SIRT6: variants seen among roughly 807,000 people sequenced by gnomAD.
SIRT6 encodes the protein NAD-dependent protein deacylase sirtuin-6.
In SIRT6, 21 loss-of-function variants were observed where a neutral mutation model predicts 33.6. That is an observed-to-expected ratio of 0.62 (90% CI 0.44 to 0.90). The LOEUF is 0.90. SIRT6 is among the 40% of genes least tolerant of loss of function. SIRT6 has a pLI of 0.00. For missense variants in SIRT6, 504 were observed against 510.6 expected (o/e 0.99, Z 0.12); for synonymous variants, 221 against 223.9 (o/e 0.99, Z 0.12).
intron 1 of SIRT6, 161 bp downstream of exon 1, chr19:4,182,313 G>C: frequency 4.4e-6 from 3 of 681,468 alleles, no homozygotes; most frequent in Non-Finnish European, 2.4e-6. Context: ...GGCGTCCCCC[G>C]GCGCGCAGGG....
In SIRT6 at chr19:4,175,363, G is replaced by C. The variant is rs1215783550; in HGVS notation, c.615-212C>G. On this transcript the variant is annotated intron_variant, in intron 6 of 7. Coordinates refer to ENST00000337491, the MANE Select transcript of SIRT6 (RefSeq NM_016539.4). Reference sequence around the variant, plus strand: ...TCTGGGCGGGCCCTTAGACACTTCCGGGGAGTATCACAGTGTGGTAAGAGC... The same window carrying C: ...TCTGGGCGGGCCCTTAGACACTTCCCGGGAGTATCACAGTGTGGTAAGAGC... The C allele has an allele frequency of 2.3e-5, 16 of 687,930 alleles. 1 individual carries two copies. The highest frequency in any genetic ancestry group is 3.3e-5 in the Non-Finnish European group (14 of 418,320). 42.6% of individuals were successfully genotyped at this position (687,930 alleles called of 1,614,324 possible). A position where few individuals can be genotyped will look rare whatever the true frequency, so the allele number is the denominator to read the frequency against.
chr19:4,175,360 TC>T (rs1249877189), intron 6 of SIRT6: 17 of 692,602 alleles, frequency 2.5e-5, no homozygotes, highest in African/African-American at 3.6e-5. Context: ...CTTAGACACT[TC>T]CGGGGAGTAT....
intron 3 of SIRT6, among the ~76,000 whole-genome samples, chr19:4,178,825 C>T (rs1025469216): frequency 8.5e-5 from 13 of 152,154 alleles, no homozygotes; most frequent in Non-Finnish European, 1.8e-4. Context: ...GCAACAAGAA[C>T]GAAACTCGGT....
chr19:4,180,859 C>A lies in SIRT6; in HGVS notation c.117G>T (p.Arg39Ser), dbSNP rs745727264. The A allele has an allele frequency of 6.2e-7, 1 of 1,613,756 alleles. No homozygotes were observed. Among genetic ancestry groups the A allele is most frequent in the South Asian group, 1.1e-5 (1 of 91,062 alleles). Residue 39 changes from arginine to serine, a missense_variant, in exon 2 of 8, where the codon AGG (arginine) becomes AGT (serine). Transcript: ENST00000337491. ...ELERKVWELA[R>S]LVWQSSSVVF... Reference sequence around the variant, plus strand: ...CCACACTGGAAGACTGCCAGACCAGCCTCGCCAGTTCCCACACCTTCCGCT... The same window carrying A: ...CCACACTGGAAGACTGCCAGACCAGACTCGCCAGTTCCCACACCTTCCGCT...
At chr19:4,177,227 G>T in intron 3 of SIRT6, 89 bp from the exon 4 acceptor site, 3 of 1,307,818 alleles carry the variant, frequency 2.3e-6, no homozygotes, top group African/African-American at 1.4e-5. Flanking sequence ...CTCTCCTCCA[G>T]GAAGGCTTCC....
chr19:4,179,584 C>A, intron 2 of SIRT6: 2 of 458,780 alleles, frequency 4.4e-6, no homozygotes, highest in Middle Eastern at 5.7e-4. Flanking sequence ...GATGAATTCA[C>A]ACGAAGGCAA....
intron 2 of SIRT6, among the ~76,000 whole-genome samples, chr19:4,179,890 G>A (rs1163163926): frequency 2.6e-5 from 4 of 152,170 alleles, no homozygotes; most frequent in Non-Finnish European, 5.9e-5. Flanking sequence ...GTGCTGGGAA[G>A]AGCCCATGAG....
chr19:4,176,592 A>T (rs1967318362), intron 4 of SIRT6, among the ~76,000 whole-genome samples: 2 of 152,150 alleles, frequency 1.3e-5, no homozygotes, highest in African/African-American at 4.8e-5. Context: ...GTCTCAAAAA[A>T]AAGGAGAAAC....
chr19:4,181,313 G>A (rs1404191317), intron 1 of SIRT6, among the ~76,000 whole-genome samples: 1 of 152,180 alleles, frequency 6.6e-6, no homozygotes, highest in Non-Finnish European at 1.5e-5. Flanking sequence ...TGTAACTTGT[G>A]GCTTAGATGT....
Position 4,174,679 on chromosome 19 carries a change from G to T in SIRT6, c.1006C>A (p.Pro336Thr), listed in dbSNP as rs897484607. ...GGTCTGTGGGGGGCAGGGCTGGTGGGCCGCTCCCGTTTGGGGCTGGCGGGC... is the reference window on the plus strand; with the variant it reads ...GGTCTGTGGGGGGCAGGGCTGGTGGTCCGCTCCCGTTTGGGGCTGGCGGGC... ...SEPASPKRERPTSPAPHRPPK... is the reference protein window; with the variant it reads ...SEPASPKRERTTSPAPHRPPK... Residue 336 changes from proline to threonine, a missense_variant, in exon 8 of 8, where the codon CCC becomes ACC. Pro to Thr is a conservative substitution (Grantham distance 38). Transcript: ENST00000337491. This position sits in a 1 kb window ranked among gnomAD's most constrained non-coding sequence, Gnocchi z 4.2. 5.5e-6 allele frequency: 8 copies of T among 1,460,036 alleles called. No homozygotes were observed. Among genetic ancestry groups the T allele is most frequent in the Non-Finnish European group, 7.2e-6 (8 of 1,104,456 alleles). The allele number at this position is 1,460,036 out of a possible 1,614,324, so 90.4% of individuals were successfully genotyped here. A position where few individuals can be genotyped will look rare whatever the true frequency, so the allele number is the denominator to read the frequency against.
intron 3 of SIRT6, 39 bp downstream of exon 3, chr19:4,179,065 G>C (rs1967468291): frequency 6.2e-7 from 1 of 1,604,106 alleles, no homozygotes; most frequent in South Asian, 1.1e-5. Flanking sequence ...GGTTTGTGGG[G>C]CCCCAAGCTC....
At chr19:4,176,462 G>A (rs951332261) in intron 4 of SIRT6, among the ~76,000 whole-genome samples, 3 of 152,158 alleles carry the variant, frequency 2.0e-5, no homozygotes, top group South Asian at 2.1e-4. Context: ...GGTGGCGGGC[G>A]CCTGCAGTTG....
chr19:4,179,248 A>G lies in SIRT6; in HGVS notation c.233T>C (p.Leu78Pro). 3.1e-6 allele frequency: 5 copies of G among 1,608,574 alleles called. No homozygotes were observed. Among genetic ancestry groups the G allele is most frequent in the Non-Finnish European group, 4.2e-6 (5 of 1,178,012 alleles). Reference sequence around the variant, plus strand: ...AAAGGTGGTGTCGAACTTGGGGGCCAGACCTCGCTCCTCCATGGTCCAGAC... The same window carrying G: ...AAAGGTGGTGTCGAACTTGGGGGCCGGACCTCGCTCCTCCATGGTCCAGAC... ...HGVWTMEERG[L>P]APKFDTTFES... Residue 78 changes from leucine to proline, a missense_variant, in exon 3 of 8, where the codon CTG becomes CCG. By Grantham distance (98) the Leu-to-Pro change is moderately conservative. Coordinates refer to ENST00000337491, the MANE Select transcript of SIRT6 (RefSeq NM_016539.4).
chr19:4,176,552 G>A (rs1258311079), intron 4 of SIRT6, among the ~76,000 whole-genome samples: 2 of 152,080 alleles, frequency 1.3e-5, no homozygotes, highest in African/African-American at 2.4e-5. Flanking sequence ...TTGCCCCACT[G>A]TACTCCAGCC....
chr19:4,179,034 TC>T (rs2145172562), intron 3 of SIRT6, 69 bp downstream of exon 3: 2 of 1,545,924 alleles, frequency 1.3e-6, no homozygotes. Flanking sequence ...AAGGGGACTC[TC>T]CCCCTAAAAA....
At chr19:4,181,648 G>A (rs553941150) in intron 1 of SIRT6, among the ~76,000 whole-genome samples, 5 of 152,244 alleles carry the variant, frequency 3.3e-5, no homozygotes, top group South Asian at 2.1e-4. Context: ...TTAGCCAGGC[G>A]TGGTGGCAGG....
At chr19:4,175,239 A>G (rs1467269990) in intron 6 of SIRT6, 88 bp from the exon 7 acceptor site, 6 of 1,486,870 alleles carry the variant, frequency 4.0e-6, no homozygotes, top group Non-Finnish European at 5.4e-6. Context: ...CACCTAGGCC[A>G]TCTGTGCTCA....
intron 1 of SIRT6, among the ~76,000 whole-genome samples, chr19:4,181,795 T>TATA (rs952123010): frequency 1.3e-4 from 20 of 151,558 alleles, no homozygotes; most frequent in South Asian, 2.1e-4. Context: ...ATCTCAAAAA[T>TATA]ATAATAATAA....
chr19:4,174,967 T>C lies in SIRT6; in HGVS notation c.739-21A>G. On this transcript the variant is annotated intron_variant, in intron 7 of 7. Coordinates refer to ENST00000337491, the MANE Select transcript of SIRT6 (RefSeq NM_016539.4). This position sits in a 1 kb window ranked among gnomAD's most constrained non-coding sequence, Gnocchi z 4.2. ...CGGTCCTGCCGAGGGGCGGGACGGG[T>C]CAGGCGTGGGGGACAGAGGGTGCAT... The C allele has an allele frequency of 6.2e-7, 1 of 1,609,276 alleles. No individual in the cohort carries two copies. The highest frequency in any genetic ancestry group is 8.5e-7 in the Non-Finnish European group (1 of 1,178,666).
Sources: gnomAD v4.1 joint callset for allele counts (sites outside exome capture counted in the v4.1 genomes callset) on GRCh38, gnomAD v4.1.1 for gene constraint, Gnocchi (gnomAD v3.1) non-coding constraint, MANE v1.5 for transcripts, NCBI Gene and HGNC (gene_info 2026-07-23, HGNC 2026-07-21) for gene names.